UBE2E2: variants seen among roughly 807,000 people sequenced by gnomAD.
UBE2E2 encodes the protein ubiquitin-conjugating enzyme E2 E2.
In UBE2E2, 6 loss-of-function variants were observed where a neutral mutation model predicts 24.7. The ratio of observed to expected loss-of-function variants is 0.24; its 90% CI spans 0.13 to 0.48. UBE2E2 has a LOEUF of 0.48. Among genes scored for constraint, UBE2E2 ranks in the 20% least tolerant of loss-of-function variants. The probability of loss-of-function intolerance (pLI) is 0.99; values close to 1 mark genes in which losing one functional copy is unlikely to be tolerated. For missense variants in UBE2E2, 169 were observed against 245.0 expected, an observed-to-expected ratio of 0.69 and a Z score of 2.07; for synonymous variants, 104 against 83.6, an observed-to-expected ratio of 1.24 and a Z score of -1.33.
chr3:23,327,849 G>A (rs34504120), intron 3 of UBE2E2, among the ~76,000 whole-genome samples: 10,381 of 152,170 alleles, frequency 0.068, 506 homozygotes, highest in Non-Finnish European at 0.092. Context: ...TGAAGATTAA[G>A]TTTTTCAGGG....
intron 3 of UBE2E2, among the ~76,000 whole-genome samples, chr3:23,219,438 C>T (rs573569067): frequency 1.7e-4 from 26 of 152,194 alleles, no homozygotes; most frequent in Middle Eastern, 3.4e-3. Context: ...ATCTGTATTT[C>T]GGTGAAAATG....
chr3:23,332,406 A>C (rs1343074792), intron 3 of UBE2E2, among the ~76,000 whole-genome samples: 1 of 152,228 alleles, frequency 6.6e-6, no homozygotes, highest in East Asian at 1.9e-4. Flanking sequence ...AACCCCCACA[A>C]GCATGAGCCA....
intron 3 of UBE2E2, among the ~76,000 whole-genome samples, chr3:23,343,895 T>C (rs1246658801): frequency 6.6e-6 from 1 of 152,260 alleles, no homozygotes; most frequent in Non-Finnish European, 1.5e-5. Context: ...TAGTTTATTC[T>C]TATTGCTGTG....
At chr3:23,394,432 C>T (rs1272361335) in intron 3 of UBE2E2, among the ~76,000 whole-genome samples, 1 of 152,080 alleles carries the variant, frequency 6.6e-6, no homozygotes, top group East Asian at 1.9e-4. Flanking sequence ...TAACGTTCAG[C>T]CTTATCATGG....
chr3:23,390,738 C>A (rs1360381114), intron 3 of UBE2E2, among the ~76,000 whole-genome samples: 2 of 152,176 alleles, frequency 1.3e-5, no homozygotes, highest in Admixed American at 1.3e-4. Context: ...CCCTCTCCCA[C>A]AAGGGGTTTG....
intron 4 of UBE2E2, among the ~76,000 whole-genome samples, chr3:23,501,900 A>G (rs995094578): frequency 6.6e-6 from 1 of 152,060 alleles, no homozygotes; most frequent in Non-Finnish European, 1.5e-5. Flanking sequence ...GGACCAGACA[A>G]TCTCTAAGGA....
chr3:23,233,081 A>G (rs552065815), intron 3 of UBE2E2, among the ~76,000 whole-genome samples: 1 of 152,250 alleles, frequency 6.6e-6, no homozygotes, highest in South Asian at 2.1e-4. Flanking sequence ...GTGGCTGGTT[A>G]GTTGGTGAGT....
chr3:23,385,502 T>C lies in UBE2E2; in HGVS notation c.228-114106T>C, dbSNP rs908449753. Among the ~76,000 whole-genome samples, 5 of 152,240 alleles carry C rather than the reference T, an allele frequency of 3.3e-5. 1 individual carries two copies. Among genetic ancestry groups the C allele is most frequent in the South Asian group, 4.1e-4 (2 of 4,834 alleles). ...GCATCCCGCATGGTTTCAAGGATGGTAAATTGGCTAGACTCCAGGGCTTGC... is the reference window on the plus strand; with the variant it reads ...GCATCCCGCATGGTTTCAAGGATGGCAAATTGGCTAGACTCCAGGGCTTGC... On this transcript the variant is annotated intron_variant, in intron 3 of 5. Coordinates refer to ENST00000396703, the MANE Select transcript of UBE2E2 (RefSeq NM_152653.4).
intron 3 of UBE2E2, among the ~76,000 whole-genome samples, chr3:23,294,209 G>A (rs1396153654): frequency 6.6e-6 from 1 of 152,090 alleles, no homozygotes; most frequent in Non-Finnish European, 1.5e-5. Flanking sequence ...AATAACCTTG[G>A]CAGAACTTTA....
intron 5 of UBE2E2, among the ~76,000 whole-genome samples, chr3:23,571,280 CTTTTTTTTTTTTTTTTTTT>C (rs59243406): frequency 3.3e-5 from 1 of 29,866 alleles, no homozygotes; most frequent in Non-Finnish European, 6.6e-5. Flanking sequence ...GTGCTCCTTT[CTTTTTTTTTTTTTTTTTTT>C]TTTTTTTTGA....
intron 3 of UBE2E2, among the ~76,000 whole-genome samples, chr3:23,439,570 C>G (rs956686496): frequency 3.9e-5 from 6 of 152,162 alleles, no homozygotes; most frequent in Non-Finnish European, 7.3e-5. Context: ...TGAGAGAGAA[C>G]GTTGAGAGGT....
intron 5 of UBE2E2, among the ~76,000 whole-genome samples, chr3:23,559,962 G>A (rs1289882115): frequency 2.6e-5 from 4 of 152,014 alleles, no homozygotes; most frequent in Admixed American, 2.0e-4. Context: ...CTCTTTAGAG[G>A]CCAAGAGGCT....
At chr3:23,525,059 C>T (rs1377487483) in intron 4 of UBE2E2, among the ~76,000 whole-genome samples, 1 of 152,144 alleles carries the variant, frequency 6.6e-6, no homozygotes, top group African/African-American at 2.4e-5. Context: ...AAATCCATTT[C>T]CTTGCCTTTT....
chr3:23,329,948 C>T (rs1307631807), intron 3 of UBE2E2, among the ~76,000 whole-genome samples: 1 of 152,204 alleles, frequency 6.6e-6, no homozygotes, highest in Non-Finnish European at 1.5e-5. Flanking sequence ...AAGCATCCTG[C>T]TTCTGCATTA....
intron 3 of UBE2E2, among the ~76,000 whole-genome samples, chr3:23,392,434 T>G (rs1233092194): frequency 2.0e-5 from 3 of 152,118 alleles, no homozygotes; most frequent in Non-Finnish European, 4.4e-5. Context: ...GCTCTTCTAC[T>G]TACTAGCTGC....
intron 3 of UBE2E2, among the ~76,000 whole-genome samples, chr3:23,404,853 CAAATT>C (rs1184161551): frequency 1.3e-5 from 2 of 152,282 alleles, no homozygotes; most frequent in Admixed American, 1.3e-4. Context: ...TCTGCACTGT[CAAATT>C]ATATTATGCA....
intron 3 of UBE2E2, among the ~76,000 whole-genome samples, chr3:23,425,901 G>A (rs750325916): frequency 4.6e-5 from 7 of 152,058 alleles, no homozygotes; most frequent in Non-Finnish European, 1.0e-4. Context: ...GACAGAACAA[G>A]CAACAGAACC....
intron 3 of UBE2E2, among the ~76,000 whole-genome samples, chr3:23,345,991 T>C (rs1280489596): frequency 1.3e-5 from 2 of 152,198 alleles, no homozygotes; most frequent in Non-Finnish European, 2.9e-5. Context: ...CTGTTGCTGA[T>C]CTAATCAATC....
At chr3:23,479,923 C>T (rs1240730665) in intron 3 of UBE2E2, among the ~76,000 whole-genome samples, 2 of 152,138 alleles carry the variant, frequency 1.3e-5, no homozygotes, top group East Asian at 3.9e-4. Flanking sequence ...GAGAAAGCAC[C>T]ATCTGGTTGG....
Sources: gnomAD v4.1 joint callset for allele counts (sites outside exome capture counted in the v4.1 genomes callset) on GRCh38, gnomAD v4.1.1 for gene constraint, MANE v1.5 for transcripts, NCBI Gene and HGNC (gene_info 2026-07-23, HGNC 2026-07-21) for gene names.